SLA2: variants seen among roughly 807,000 people sequenced by gnomAD.
SLA2 encodes Src like adaptor 2, also known as src-like-adapter 2.
In SLA2, 22 loss-of-function variants were observed where a neutral mutation model predicts 27.3. The ratio of observed to expected loss-of-function variants is 0.81; its 90% CI spans 0.58 to 1.15. SLA2 has a LOEUF of 1.15. Among genes scored for constraint, SLA2 ranks in the 50% most tolerant of loss-of-function variants. The probability of loss-of-function intolerance (pLI) is 0.00; values close to 1 mark genes in which losing one functional copy is unlikely to be tolerated. For synonymous variants in SLA2, 131 were observed against 137.8 expected (o/e 0.95, Z 0.34); for missense variants, 304 against 322.2 (o/e 0.94, Z 0.43).
chr20:36,641,179 CCA>C (rs1363570482), intron 2 of SLA2, 64 bp downstream of exon 2: 30 of 1,375,284 alleles, frequency 2.2e-5, no homozygotes, highest in Non-Finnish European at 3.1e-5. Flanking sequence ...CCAGGAAGGC[CCA>C]CAGAGGCAGT....
chr20:36,629,477 C>A (rs377501130), intron 5 of SLA2, among the ~76,000 whole-genome samples: 150 of 141,442 alleles, frequency 1.1e-3, no homozygotes, highest in Admixed American at 1.2e-3. Flanking sequence ...ACTAAAAATA[C>A]AAAAAAAAAA....
Position 36,635,725 on chromosome 20 carries a change from T to G in SLA2, c.92-1136A>C, listed in dbSNP as rs1237736722. ...TGGACAAATGATGCACACCTTGTGATGGGTGCTCTCTGATGAGAATGGGAA... is the reference window on the plus strand; with the variant it reads ...TGGACAAATGATGCACACCTTGTGAGGGGTGCTCTCTGATGAGAATGGGAA... On this transcript the variant is annotated intron_variant, in intron 2 of 7. Transcript: ENST00000262866. Among the ~76,000 whole-genome samples the G allele has an allele frequency of 2.0e-5, 3 of 152,094 alleles. No individual in the cohort carries two copies. The East Asian group carries it at 5.8e-4, about 29-fold the overall frequency.
intron 6 of SLA2, chr20:36,615,014 C>T (rs2039191637): frequency 1.0e-6 from 1 of 985,410 alleles, no homozygotes; most frequent in Non-Finnish European, 1.2e-6. Flanking sequence ...TGAGCCTACA[C>T]AGGAGGTCTG....
intron 2 of SLA2, among the ~76,000 whole-genome samples, chr20:36,636,358 T>C (rs1030758051): frequency 6.8e-6 from 1 of 147,980 alleles, no homozygotes; most frequent in Non-Finnish European, 1.5e-5. Context: ...GAAGCGGAGC[T>C]TGCAGTGAGC....
intron 2 of SLA2, among the ~76,000 whole-genome samples, chr20:36,635,895 C>G (rs2039439725): frequency 6.6e-6 from 1 of 152,192 alleles, no homozygotes; most frequent in African/African-American, 2.4e-5. Context: ...CATTTCCCAA[C>G]TGAAATGTCC....
chr20:36,635,459 C>T (rs927452122), intron 2 of SLA2, among the ~76,000 whole-genome samples: 2 of 151,216 alleles, frequency 1.3e-5, no homozygotes, highest in African/African-American at 2.4e-5. Context: ...GGGAAGCAGA[C>T]GAGCAGACAA....
At chr20:36,624,806 G>T (rs1253925658) in intron 5 of SLA2, among the ~76,000 whole-genome samples, 5 of 152,228 alleles carry the variant, frequency 3.3e-5, no homozygotes, top group African/African-American at 1.2e-4. Context: ...CCCAGAGCCA[G>T]CCCTTAGCTG....
chr20:36,633,293 A>C (rs1418739116), intron 4 of SLA2, among the ~76,000 whole-genome samples: 1 of 151,752 alleles, frequency 6.6e-6, no homozygotes, highest in African/African-American at 2.4e-5. Flanking sequence ...CCACCACGAG[A>C]TCCTGGCAAC....
At chr20:36,625,216 A>ATTTTTTTTTTTTTTTTTTTT (rs71186005) in intron 5 of SLA2, among the ~76,000 whole-genome samples, 1 of 78,490 alleles carries the variant, frequency 1.3e-5, no homozygotes, top group African/African-American at 5.3e-5. Flanking sequence ...ACGTACCCTG[A>ATTTTTTTTTTTTTTTTTTTT]TTTTTTTTTT....
chr20:36,614,210 A>T, intron 7 of SLA2, 95 bp downstream of exon 7: 7 of 1,589,252 alleles, frequency 4.4e-6, no homozygotes, highest in Non-Finnish European at 6.0e-6. Flanking sequence ...GGTGTCCCTG[A>T]GTGTGACAGG....
At chr20:36,623,192 A>T (rs2039302515) in intron 5 of SLA2, among the ~76,000 whole-genome samples, 1 of 145,248 alleles carries the variant, frequency 6.9e-6, no homozygotes, top group Non-Finnish European at 1.5e-5. Context: ...TGTTTGAACC[A>T]GGAGGCAGAC....
chr20:36,620,250 G>A (rs986927908), intron 5 of SLA2, among the ~76,000 whole-genome samples: 2 of 151,400 alleles, frequency 1.3e-5, no homozygotes, highest in Non-Finnish European at 2.9e-5. Flanking sequence ...TTAGCTGAGC[G>A]TGGTGGTGGG....
At chr20:36,633,133 G>A (rs866517999) in intron 4 of SLA2, among the ~76,000 whole-genome samples, 3 of 152,172 alleles carry the variant, frequency 2.0e-5, no homozygotes, top group Middle Eastern at 3.4e-3. Context: ...GTGCAGTGGC[G>A]CAATCACGGC....
At chr20:36,626,401 A>AC (rs1555792417) in intron 5 of SLA2, among the ~76,000 whole-genome samples, 3,539 of 151,330 alleles carry the variant, frequency 0.023, 75 homozygotes, top group Non-Finnish European at 0.035. Flanking sequence ...AAAAAAAAAA[A>AC]ACACACACAA....
intron 5 of SLA2, among the ~76,000 whole-genome samples, chr20:36,624,528 G>A (rs540887719): frequency 1.3e-5 from 2 of 152,182 alleles, no homozygotes; most frequent in African/African-American, 2.4e-5. Flanking sequence ...TCATACTGCA[G>A]AATCTCGTGT....
intron 5 of SLA2, among the ~76,000 whole-genome samples, chr20:36,619,598 T>A (rs1251804734): frequency 2.0e-5 from 3 of 151,158 alleles, no homozygotes; most frequent in Non-Finnish European, 4.4e-5. Context: ...CTGGTCAACA[T>A]AGAGACCCCC....
chr20:36,631,824 T>G (rs2039395711), intron 5 of SLA2, among the ~76,000 whole-genome samples: 1 of 152,148 alleles, frequency 6.6e-6, no homozygotes, highest in Admixed American at 6.5e-5. Flanking sequence ...TCATAGGTGC[T>G]GGAGAAGCAT....
chr20:36,634,363 A>T lies in SLA2; in HGVS notation c.191+127T>A. 7.8e-6 allele frequency: 5 copies of T among 641,090 alleles called. No homozygotes were observed. In the South Asian group the frequency reaches 1.0e-4, roughly 13 times the overall value. The allele number at this position is 641,090 out of a possible 1,614,324, so 39.7% of individuals were successfully genotyped here. On this transcript the variant is annotated intron_variant, in intron 3 of 7. Transcript: ENST00000262866. ...CACTGGCTTGATCATAGCTCATTGC[A>T]GCCTTGAGCTCCCGAGCTCCAGCGA...
At chr20:36,630,355 G>C (rs1203572018) in intron 5 of SLA2, among the ~76,000 whole-genome samples, 1 of 152,202 alleles carries the variant, frequency 6.6e-6, no homozygotes, top group Non-Finnish European at 1.5e-5. Context: ...AGCTGGAAAG[G>C]GTCCTGGGAG....
Sources: gnomAD v4.1 joint callset for allele counts (sites outside exome capture counted in the v4.1 genomes callset) on GRCh38, gnomAD v4.1.1 for gene constraint, MANE v1.5 for transcripts, NCBI Gene and HGNC (gene_info 2026-07-23, HGNC 2026-07-21) for gene names.